Variants in OSBPL1A observed in about 807,000 individuals in gnomAD.
The protein encoded by OSBPL1A is oxysterol-binding protein-related protein 1.
Under a neutral mutation model 137.1 loss-of-function variants are expected in OSBPL1A, and 80 were observed. That is an observed-to-expected ratio of 0.58 (90% CI 0.49 to 0.70). OSBPL1A has a LOEUF of 0.70. Among genes scored for constraint, OSBPL1A ranks in the 30% least tolerant of loss-of-function variants. The probability of loss-of-function intolerance (pLI) is 0.00; values close to 1 mark genes in which losing one functional copy is unlikely to be tolerated. For missense variants in OSBPL1A, 970 were observed against 1,129.4 expected, an observed-to-expected ratio of 0.86 and a Z score of 2.02; for synonymous variants, 365 against 389.7, an observed-to-expected ratio of 0.94 and a Z score of 0.75.
chr18:24,276,801 T>C (rs2089854891), intron 15 of OSBPL1A, among the ~76,000 whole-genome samples: 4 of 152,176 alleles, frequency 2.6e-5, no homozygotes, highest in Admixed American at 2.0e-4. Flanking sequence ...CATTTATTTA[T>C]AGCTCCTATG....
intron 18 of OSBPL1A, among the ~76,000 whole-genome samples, chr18:24,184,301 C>G (rs2086686859): frequency 6.6e-6 from 1 of 152,174 alleles, no homozygotes; most frequent in Non-Finnish European, 1.5e-5. Context: ...CAGTCAACAT[C>G]TCTGATGCTA....
intron 14 of OSBPL1A, among the ~76,000 whole-genome samples, chr18:24,295,720 G>GT (rs1200256646): frequency 1.3e-5 from 2 of 152,010 alleles, no homozygotes; most frequent in Admixed American, 1.3e-4. Flanking sequence ...CCCAATTTAT[G>GT]TTTTTTTCAA....
intron 14 of OSBPL1A, among the ~76,000 whole-genome samples, chr18:24,294,045 T>C (rs1181345259): frequency 6.6e-6 from 1 of 152,052 alleles, no homozygotes; most frequent in Non-Finnish European, 1.5e-5. Context: ...GCTTTTCCTC[T>C]CAGATTTTTT....
intron 17 of OSBPL1A, among the ~76,000 whole-genome samples, chr18:24,213,851 T>C (rs2087616218): frequency 6.6e-6 from 1 of 152,230 alleles, no homozygotes; most frequent in Non-Finnish European, 1.5e-5. Flanking sequence ...GAATTTGTTG[T>C]CAAGCTTCAA....
chr18:24,315,494 C>T (rs971652623), intron 11 of OSBPL1A, among the ~76,000 whole-genome samples: 1 of 149,810 alleles, frequency 6.7e-6, no homozygotes, highest in Non-Finnish European at 1.5e-5. Context: ...CTGCAATGGA[C>T]AACACTTAAC....
intron 18 of OSBPL1A, among the ~76,000 whole-genome samples, chr18:24,192,044 C>T (rs955679496): frequency 6.6e-6 from 1 of 152,144 alleles, no homozygotes; most frequent in Admixed American, 6.5e-5. Flanking sequence ...TTTAAGTAGT[C>T]GGTATTCCTG....
chr18:24,199,509 T>C (rs144201758), intron 17 of OSBPL1A, among the ~76,000 whole-genome samples: 2 of 152,252 alleles, frequency 1.3e-5, no homozygotes, highest in African/African-American at 2.4e-5. Flanking sequence ...CCAAACAGTA[T>C]GTAAACTCCA....
At position 24,321,677 on chromosome 18, in the gene OSBPL1A, A is replaced by T. The variant is rs753234427; in HGVS notation, c.626-2868T>A. ...ACTGGGTATGTATGAATAAAATGGC[A>T]TGACAGGCCTTCTCTTTCCAGTTCT... On this transcript the variant is annotated intron_variant, in intron 7 of 27. Transcript: ENST00000319481. The T allele has an allele frequency of 5.7e-6, 3 of 524,252 alleles. No individual in the cohort carries two copies. In the African/African-American group the frequency reaches 5.8e-5, roughly 10 times the overall value. The allele number at this position is 524,252 out of a possible 1,614,324, so 32.5% of individuals were successfully genotyped here.
intron 15 of OSBPL1A, among the ~76,000 whole-genome samples, chr18:24,255,246 G>C (rs2089236130): frequency 6.6e-6 from 1 of 152,150 alleles, no homozygotes; most frequent in Admixed American, 6.5e-5. Flanking sequence ...GGACCTGAAG[G>C]CTTCACTGCT....
At chr18:24,183,440 T>TC (rs1176721683) in intron 18 of OSBPL1A, among the ~76,000 whole-genome samples, 14 of 151,530 alleles carry the variant, frequency 9.2e-5, no homozygotes, top group Non-Finnish European at 1.5e-4. Flanking sequence ...TTTTTCTTTT[T>TC]TTTTTTTTTG....
chr18:24,341,227 G>T (rs2091268299), intron 5 of OSBPL1A, among the ~76,000 whole-genome samples: 1 of 151,986 alleles, frequency 6.6e-6, no homozygotes, highest in South Asian at 2.1e-4. Flanking sequence ...GACTAGTCTA[G>T]AACTCCTAAC....
intron 15 of OSBPL1A, among the ~76,000 whole-genome samples, chr18:24,275,993 G>A (rs1298339147): frequency 6.6e-6 from 1 of 152,096 alleles, no homozygotes; most frequent in East Asian, 1.9e-4. Flanking sequence ...CTCCCAAAGT[G>A]CTGGGATTAC....
intron 15 of OSBPL1A, among the ~76,000 whole-genome samples, chr18:24,280,006 G>C (rs976061684): frequency 1.3e-5 from 2 of 152,108 alleles, no homozygotes; most frequent in African/African-American, 4.8e-5. Flanking sequence ...GAGTGCAGTG[G>C]TGCAATATCG....
intron 22 of OSBPL1A, among the ~76,000 whole-genome samples, 171 bp downstream of exon 22, chr18:24,172,205 C>T (rs1306299502): frequency 6.6e-6 from 1 of 152,152 alleles, no homozygotes; most frequent in East Asian, 1.9e-4. Flanking sequence ...TCCCAAAGTG[C>T]TAGGATTACA....
chr18:24,353,561 T>C (rs969936182), intron 4 of OSBPL1A, among the ~76,000 whole-genome samples: 36 of 151,546 alleles, frequency 2.4e-4, no homozygotes, highest in African/African-American at 8.3e-4. Flanking sequence ...AGCCATCCCA[T>C]TACTGGGTAT....
Position 24,278,642 on chromosome 18 carries a change from G to A in OSBPL1A, c.1281+2200C>T, listed in dbSNP as rs557972645. On this transcript the variant is annotated intron_variant, in intron 15 of 27. Coordinates refer to ENST00000319481, the MANE Select transcript of OSBPL1A (RefSeq NM_080597.4). ...AATTAAACATGAACCAACATAACAC[G>A]TTACTTCCAATCTAATGTTCAGCCT... 1.4e-4 allele frequency among the ~76,000 whole-genome samples: 22 copies of A among 152,186 alleles called. No individual in the cohort carries two copies. The East Asian group carries it at 3.5e-3, about 24-fold the overall frequency.
rs1254264588 is a variant in OSBPL1A at position 24,238,908 on chromosome 18, G to A, written c.1444+312C>T. 5.9e-5 allele frequency among the ~76,000 whole-genome samples: 9 copies of A among 152,292 alleles called. No homozygotes were observed. The South Asian group carries it at 1.7e-3, about 28-fold the overall frequency. Reference sequence around the variant, plus strand: ...TCCTTACAATATGTGCTAATGCCTGGCACTAGGAAATGGTCACCCAGTAAA... The same window carrying A: ...TCCTTACAATATGTGCTAATGCCTGACACTAGGAAATGGTCACCCAGTAAA... On this transcript the variant is annotated intron_variant, in intron 16 of 27. Coordinates refer to ENST00000319481, the MANE Select transcript of OSBPL1A (RefSeq NM_080597.4).
intron 16 of OSBPL1A, among the ~76,000 whole-genome samples, chr18:24,235,780 A>G (rs1170272817): frequency 6.6e-6 from 1 of 152,244 alleles, no homozygotes; most frequent in Non-Finnish European, 1.5e-5. Context: ...CTTCCCCAAG[A>G]CGTCCATGTC....
intron 16 of OSBPL1A, among the ~76,000 whole-genome samples, chr18:24,229,272 T>C (rs1456980793): frequency 1.3e-5 from 2 of 152,172 alleles, no homozygotes; most frequent in East Asian, 3.8e-4. Context: ...CCGATACATG[T>C]CATGAGGTTC....
Sources: allele counts gnomAD v4.1 joint callset (sites outside exome capture counted in the v4.1 genomes callset), GRCh38; gene constraint gnomAD v4.1.1; transcripts MANE v1.5; gene names NCBI Gene and HGNC (gene_info 2026-07-23, HGNC 2026-07-21).